Variants in RPF2 observed in about 807,000 individuals in gnomAD.
RPF2 encodes the protein ribosome production factor 2 homolog.
Under a neutral mutation model 38.9 loss-of-function variants are expected in RPF2, and 21 were observed. The observed-to-expected ratio is 0.54, with a 90% CI of 0.38 to 0.78. The LOEUF is 0.78. Ranked by LOEUF, RPF2 falls within the 30% of genes least tolerant of loss-of-function variation. The pLI is 0.00. For missense variants in RPF2, 314 were observed against 358.1 expected (o/e 0.88, Z 0.99); for synonymous variants, 121 against 126.2 (o/e 0.96, Z 0.28).
intron 8 of RPF2, among the ~76,000 whole-genome samples, chr6:111,018,093 G>C (rs12176286): frequency 2.0e-5 from 3 of 151,642 alleles, no homozygotes; most frequent in Admixed American, 1.3e-4. Context: ...CGCGCCTGCA[G>C]TCGCAGGCAC....
intron 3 of RPF2, among the ~76,000 whole-genome samples, chr6:110,990,530 G>A (rs1457925891): frequency 6.9e-6 from 1 of 144,080 alleles, no homozygotes; most frequent in Non-Finnish European, 1.5e-5. Context: ...TAATTTTGTT[G>A]CTTAAATTGT....
At chr6:111,021,552 T>C (rs1292798819) in intron 8 of RPF2, among the ~76,000 whole-genome samples, 1 of 152,170 alleles carries the variant, frequency 6.6e-6, no homozygotes, top group African/African-American at 2.4e-5. Context: ...CTGACCTGGC[T>C]CTGAGCTGGG....
intron 4 of RPF2, among the ~76,000 whole-genome samples, chr6:110,992,258 C>T (rs1025058673): frequency 1.3e-5 from 2 of 151,740 alleles, no homozygotes; most frequent in Admixed American, 6.6e-5. Context: ...TTCAGTGAGC[C>T]GAGATCACGC....
chr6:110,996,859 T>C (rs1771720310), intron 4 of RPF2, among the ~76,000 whole-genome samples: 1 of 152,200 alleles, frequency 6.6e-6, no homozygotes, highest in Non-Finnish European at 1.5e-5. Flanking sequence ...TGGAGTGCAG[T>C]GTCGCATTCT....
intron 5 of RPF2, among the ~76,000 whole-genome samples, chr6:110,997,497 T>C (rs1266600217): frequency 6.6e-6 from 1 of 152,140 alleles, no homozygotes; most frequent in Non-Finnish European, 1.5e-5. Flanking sequence ...ATCCCAGCAC[T>C]TTGGGTGGCG....
rs1208066509 is a variant in RPF2 at position 111,015,758 on chromosome 6, C to T, written c.498C>T (p.Phe166=). The change falls in exon 8 of 10, where the codon TTC becomes TTT. Residue 166 remains phenylalanine (F), a synonymous_variant. Transcript: ENST00000441448. ...TAATTTAATATGTGCTTTTAGATTT[C>T]TTCAGAGGCCCCACAGTATCAAATA... is the stretch of plus-strand genomic sequence containing the variant. ...YRRLKSLLID[F]FRGPTVSNIR... The T allele has an allele frequency of 3.1e-6, 5 of 1,600,366 alleles. No homozygotes were observed. The South Asian group carries it at 5.5e-5, about 18-fold the overall frequency.
intron 8 of RPF2, among the ~76,000 whole-genome samples, chr6:111,020,889 G>A (rs966297641): frequency 2.0e-5 from 3 of 151,956 alleles, no homozygotes; most frequent in Non-Finnish European, 2.9e-5. Context: ...CAGTAAGGCC[G>A]GGCACGGTGG....
chr6:110,999,689 T>G (rs770573968), intron 5 of RPF2, 22 bp from the exon 6 acceptor site: 1 of 1,528,722 alleles, frequency 6.5e-7, no homozygotes, highest in South Asian at 1.1e-5. Flanking sequence ...AATACATGCT[T>G]AAAAATACAT....
chr6:111,012,406 A>G (rs1772032884), intron 7 of RPF2, among the ~76,000 whole-genome samples: 1 of 152,104 alleles, frequency 6.6e-6, no homozygotes, highest in African/African-American at 2.4e-5. Context: ...TCCTAGGCTC[A>G]AGCAGCCCTC....
intron 8 of RPF2, among the ~76,000 whole-genome samples, chr6:111,023,482 A>G (rs915531740): frequency 7.9e-5 from 12 of 152,232 alleles, no homozygotes; most frequent in Admixed American, 3.9e-4. Context: ...TTATACATAC[A>G]TAAATCTATG....
chr6:111,017,973 G>A (rs897853207), intron 8 of RPF2, among the ~76,000 whole-genome samples: 8 of 152,274 alleles, frequency 5.3e-5, no homozygotes, highest in Admixed American at 5.2e-4. Context: ...CACCTCTGGA[G>A]GCCGAGGCTG....
chr6:111,015,706 T>C (rs751042387), intron 7 of RPF2, 48 bp from the exon 8 acceptor site: 1 of 1,287,766 alleles, frequency 7.8e-7, no homozygotes, highest in South Asian at 1.2e-5. Flanking sequence ...TAACTGAATT[T>C]TGCAAGTATT....
At position 110,982,830 on chromosome 6, in the gene RPF2, G is replaced by T. The variant is rs182759717; in HGVS notation, c.23+701G>T. ...TTCAGAGATTTTGCACACCTGCTAT[G>T]CCTCTAGCTGTTTGGACTACAAAGA... is the stretch of plus-strand genomic sequence containing the variant. On this transcript the variant is annotated intron_variant, in intron 1 of 9. Transcript: ENST00000441448. 4.2e-4 allele frequency among the ~76,000 whole-genome samples: 64 copies of T among 152,296 alleles called. 1 individual carries two copies. Among genetic ancestry groups the T allele is most frequent in the Middle Eastern group, 3.4e-3 (1 of 294 alleles).
chr6:110,994,734 TACACAC>T (rs71021820), intron 4 of RPF2, among the ~76,000 whole-genome samples: 29 of 134,094 alleles, frequency 2.2e-4, no homozygotes, highest in East Asian at 4.2e-4. Context: ...TGAGTATATA[TACACAC>T]ACACACACAC....
chr6:110,985,868 G>A (rs1291573010), intron 2 of RPF2, among the ~76,000 whole-genome samples: 1 of 151,440 alleles, frequency 6.6e-6, no homozygotes, highest in Non-Finnish European at 1.5e-5. Flanking sequence ...AACCTGGGAG[G>A]TGGAGGTCAC....
chr6:110,997,855 T>C (rs1032526179), intron 5 of RPF2, among the ~76,000 whole-genome samples: 3 of 151,974 alleles, frequency 2.0e-5, no homozygotes, highest in African/African-American at 7.2e-5. Context: ...GTTGGTATGC[T>C]TCAGGGGGGT....
At position 111,027,460 on chromosome 6, in the gene RPF2, G is replaced by A. The variant is rs577290773; in HGVS notation, c.*1878G>A. On this transcript the variant is annotated 3_prime_UTR_variant, in exon 10 of 10. Transcript: ENST00000441448. ...AAGGGGAGCCATGAAAAGAACATCAGGAGTGATGGACGCATAGTCCTTCCC... is the reference window on the plus strand; with the variant it reads ...AAGGGGAGCCATGAAAAGAACATCAAGAGTGATGGACGCATAGTCCTTCCC... 2.0e-4 allele frequency: 31 copies of A among 152,264 alleles called. No homozygotes were observed. Among genetic ancestry groups the A allele is most frequent in the African/African-American group, 6.7e-4 (28 of 41,550 alleles). 9.4% of individuals were successfully genotyped at this position (152,264 alleles called of 1,614,324 possible). A position where few individuals can be genotyped will look rare whatever the true frequency, so the allele number is the denominator to read the frequency against.
intron 2 of RPF2, among the ~76,000 whole-genome samples, chr6:110,987,353 C>G (rs1367829602): frequency 6.6e-6 from 1 of 152,166 alleles, no homozygotes; most frequent in Non-Finnish European, 1.5e-5. Context: ...GCCACCATGC[C>G]TGGCTTTGAA....
At chr6:110,999,896 T>G (rs1771784987) in intron 6 of RPF2, 109 bp downstream of exon 6, 2 of 624,376 alleles carry the variant, frequency 3.2e-6, no homozygotes, top group African/African-American at 3.6e-5. Context: ...GAACTTTGTG[T>G]TTTTATTTTG....
Sources: gnomAD v4.1 joint callset for allele counts (sites outside exome capture counted in the v4.1 genomes callset) on GRCh38, gnomAD v4.1.1 for gene constraint, MANE v1.5 for transcripts, NCBI Gene and HGNC (gene_info 2026-07-23, HGNC 2026-07-21) for gene names.